MDGA2: variants seen among roughly 807,000 people sequenced by gnomAD.
The protein encoded by MDGA2 is MAM domain-containing glycosylphosphatidylinositol anchor protein 2.
In MDGA2, 40 loss-of-function variants were observed where a neutral mutation model predicts 117.8. The ratio of observed to expected loss-of-function variants is 0.34; its 90% CI spans 0.26 to 0.44. The LOEUF (loss-of-function observed/expected upper bound fraction) is 0.44, where lower values mean the gene tolerates loss of function less well. MDGA2 is among the 20% of genes least tolerant of loss of function. The pLI, the probability that MDGA2 is intolerant of heterozygous loss-of-function variation, is 1.00. For missense variants in MDGA2, 1,123 were observed against 1,250.6 expected (o/e 0.90, Z 1.54); for synonymous variants, 452 against 439.0 (o/e 1.03, Z -0.37).
chr14:47,215,477 A>C (rs1219876084), intron 3 of MDGA2, among the ~76,000 whole-genome samples: 2 of 151,974 alleles, frequency 1.3e-5, no homozygotes, highest in Non-Finnish European at 2.9e-5. Flanking sequence ...GAACCTAAAA[A>C]CTCTGGTCTT....
chr14:47,571,394 C>T (rs1413318170), intron 1 of MDGA2, among the ~76,000 whole-genome samples: 1 of 152,098 alleles, frequency 6.6e-6, no homozygotes, highest in Non-Finnish European at 1.5e-5. Flanking sequence ...CACAGCAATC[C>T]CATTACTGGG....
At chr14:47,315,975 T>TA (rs74310278) in intron 1 of MDGA2, among the ~76,000 whole-genome samples, 3,567 of 152,082 alleles carry the variant, frequency 0.023, 102 homozygotes, top group East Asian at 0.13. Flanking sequence ...CCTCTAGTTA[T>TA]AAAGTCTCCA....
intron 2 of MDGA2, among the ~76,000 whole-genome samples, 198 bp from the exon 3 acceptor site, chr14:47,218,393 G>A (rs1594731677): frequency 1.3e-5 from 2 of 152,272 alleles, no homozygotes; most frequent in East Asian, 1.9e-4. Context: ...TGTACAGTGT[G>A]TGTAATTTGA....
intron 10 of MDGA2, among the ~76,000 whole-genome samples, chr14:46,912,750 C>T (rs1883753979): frequency 6.6e-6 from 1 of 152,168 alleles, no homozygotes; most frequent in Non-Finnish European, 1.5e-5. Context: ...TTTTCCAAGA[C>T]AAGGTACCCT....
chr14:46,930,087 T>C (rs1884508299), intron 9 of MDGA2, among the ~76,000 whole-genome samples: 1 of 147,760 alleles, frequency 6.8e-6, no homozygotes, highest in Admixed American at 6.9e-5. Flanking sequence ...AAACTATTTA[T>C]TTCATGAGTA....
chr14:46,942,920 T>C (rs1337935806), intron 9 of MDGA2, among the ~76,000 whole-genome samples: 4 of 152,136 alleles, frequency 2.6e-5, no homozygotes, highest in Admixed American at 6.6e-5. Flanking sequence ...ATTTACTTAA[T>C]AGTATGCTTA....
intron 6 of MDGA2, among the ~76,000 whole-genome samples, chr14:47,094,120 CCA>C (rs1000884705): frequency 3.7e-4 from 56 of 151,972 alleles, no homozygotes; most frequent in African/African-American, 1.3e-3. Flanking sequence ...GTTTTTCTCC[CCA>C]CAGTTTAATC....
In MDGA2 at chr14:47,377,978, T is replaced by C. The variant is rs188481695; in HGVS notation, c.281-76428A>G. On this transcript the variant is annotated intron_variant, in intron 1 of 16. Coordinates refer to ENST00000399232, the MANE Select transcript of MDGA2 (RefSeq NM_001113498.3). Reference sequence around the variant, plus strand: ...AACTCCCAGTAGGGGCCAACTGACATCTCATACAGCTGGGTGCCCCTCTGA... The same window carrying C: ...AACTCCCAGTAGGGGCCAACTGACACCTCATACAGCTGGGTGCCCCTCTGA... Among the ~76,000 whole-genome samples the C allele has an allele frequency of 1.2e-4, 19 of 152,218 alleles. No individual in the cohort carries two copies. In the East Asian group the frequency reaches 3.7e-3, roughly 30 times the overall value.
chr14:47,299,853 A>G lies in MDGA2; in HGVS notation c.420+1558T>C, dbSNP rs573597623. On this transcript the variant is annotated intron_variant, in intron 2 of 16. Coordinates refer to ENST00000399232, the MANE Select transcript of MDGA2 (RefSeq NM_001113498.3). ...TTATGACAATTTTATTCTTTAATCC[A>G]TTTTCAGTTAATAGCAAATGTTATA... 9.9e-5 allele frequency among the ~76,000 whole-genome samples: 15 copies of G among 152,000 alleles called. No homozygotes were observed. The East Asian group carries it at 2.3e-3, about 23-fold the overall frequency.
At chr14:47,093,054 G>C (rs1173740190) in intron 6 of MDGA2, among the ~76,000 whole-genome samples, 1 of 151,974 alleles carries the variant, frequency 6.6e-6, no homozygotes, top group African/African-American at 2.4e-5. Context: ...AGCTACGGTG[G>C]TCAGAACCTA....
intron 6 of MDGA2, among the ~76,000 whole-genome samples, chr14:47,088,970 T>C (rs1891010800): frequency 6.6e-6 from 1 of 152,188 alleles, no homozygotes; most frequent in Non-Finnish European, 1.5e-5. Flanking sequence ...TGTCCACCAT[T>C]ACTGGAGGAA....
intron 6 of MDGA2, among the ~76,000 whole-genome samples, chr14:47,078,681 T>C (rs1359524799): frequency 6.6e-6 from 1 of 152,140 alleles, no homozygotes; most frequent in Non-Finnish European, 1.5e-5. Context: ...AAAATAAACT[T>C]TTGGAAAGAA....
intron 2 of MDGA2, among the ~76,000 whole-genome samples, chr14:47,248,731 C>G (rs1887335133): frequency 6.6e-6 from 1 of 151,930 alleles, no homozygotes; most frequent in Non-Finnish European, 1.5e-5. Context: ...AAAACAAAAA[C>G]AGTTTGCTTA....
intron 10 of MDGA2, among the ~76,000 whole-genome samples, chr14:46,918,760 C>CTTTTTTTTTTTTTTTTTTTTTTT (rs34958634): frequency 8.8e-5 from 11 of 124,756 alleles, no homozygotes; most frequent in Non-Finnish European, 1.3e-4. Flanking sequence ...TACAGTGTAT[C>CTTTTTTTTTTTTTTTTTTTTTTT]TTTTTTTTTT....
chr14:47,402,197 C>T (rs1018650094), intron 1 of MDGA2, among the ~76,000 whole-genome samples: 2 of 152,026 alleles, frequency 1.3e-5, no homozygotes, highest in Non-Finnish European at 2.9e-5. Context: ...TTTCAGACCT[C>T]GAGGAGCTTT....
chr14:47,301,416 G>A lies in MDGA2; in HGVS notation c.415C>T (p.Pro139Ser). The change falls in exon 2 of 17, where the codon CCA becomes TCA. Residue 139 changes from proline to serine, a missense_variant. Transcript: ENST00000399232. Reference sequence around the variant, plus strand: ...TGTCACAGTTCGGGACTCACCTGTGGACGTGGATGTCCTGTGACTAGACAA... The same window carrying A: ...TGTCACAGTTCGGGACTCACCTGTGAACGTGGATGTCCTGTGACTAGACAA... ...LTCLVTGHPRPQIRWTKTAGS... is the reference protein window; with the variant it reads ...LTCLVTGHPRSQIRWTKTAGS... 1 of 1,551,812 alleles carries A rather than the reference G, an allele frequency of 6.4e-7. No homozygotes were observed. The highest frequency in any genetic ancestry group is 8.7e-7 in the Non-Finnish European group (1 of 1,147,012).
intron 9 of MDGA2, among the ~76,000 whole-genome samples, chr14:46,925,470 A>G (rs1884290301): frequency 6.6e-6 from 1 of 151,980 alleles, no homozygotes; most frequent in Non-Finnish European, 1.5e-5. Flanking sequence ...CATCTCTACT[A>G]AAAATACAAA....
At chr14:47,340,104 G>A (rs1566745726) in intron 1 of MDGA2, among the ~76,000 whole-genome samples, 1 of 152,128 alleles carries the variant, frequency 6.6e-6, no homozygotes, top group South Asian at 2.1e-4. Context: ...TAGCATTGCA[G>A]TGCTGTTGGC....
chr14:47,478,612 G>A (rs1049636166), intron 1 of MDGA2, among the ~76,000 whole-genome samples: 1 of 152,148 alleles, frequency 6.6e-6, no homozygotes, highest in Non-Finnish European at 1.5e-5. Flanking sequence ...CTGGGCTCAA[G>A]CGATCCACCC....
Sources: allele counts gnomAD v4.1 joint callset (sites outside exome capture counted in the v4.1 genomes callset), GRCh38; gene constraint gnomAD v4.1.1; transcripts MANE v1.5; gene names NCBI Gene and HGNC (gene_info 2026-07-23, HGNC 2026-07-21).